The following UBE3D variants were observed in gnomAD, a reference collection of about 807,000 sequenced individuals.
The protein encoded by UBE3D is E3 ubiquitin-protein ligase E3D.
Under a neutral mutation model 49.6 loss-of-function variants are expected in UBE3D, and 48 were observed. The ratio of observed to expected loss-of-function variants is 0.97; its 90% CI spans 0.77 to 1.23. The LOEUF is 1.23. Among genes scored for constraint, UBE3D ranks in the 50% most tolerant of loss-of-function variants. UBE3D has a pLI of 0.00. For synonymous variants in UBE3D, 189 were observed against 174.2 expected (o/e 1.08, Z -0.67); for missense variants, 452 against 468.4 (o/e 0.96, Z 0.32).
At chr6:83,012,138 G>A (rs1161220453) in intron 8 of UBE3D, among the ~76,000 whole-genome samples, 1 of 152,178 alleles carries the variant, frequency 6.6e-6, no homozygotes, top group Non-Finnish European at 1.5e-5. Context: ...GCCTTGGTCA[G>A]AGGCAATGCT....
chr6:83,029,182 T>C (rs1272913926), intron 5 of UBE3D, among the ~76,000 whole-genome samples: 1 of 152,188 alleles, frequency 6.6e-6, no homozygotes, highest in African/African-American at 2.4e-5. Flanking sequence ...AGCCAGTTTT[T>C]TGTATAAATT....
chr6:83,023,380 A>C (rs2127776189), intron 6 of UBE3D, among the ~76,000 whole-genome samples: 1 of 152,338 alleles, frequency 6.6e-6, no homozygotes, highest in East Asian at 1.9e-4. Context: ...AACATTTTTT[A>C]AAATCCTCAA....
intron 9 of UBE3D, among the ~76,000 whole-genome samples, chr6:82,897,978 T>C (rs1453912193): frequency 6.6e-6 from 1 of 152,092 alleles, no homozygotes; most frequent in Non-Finnish European, 1.5e-5. Flanking sequence ...CTTAAACAAA[T>C]TCACAAGAAA....
intron 3 of UBE3D, among the ~76,000 whole-genome samples, chr6:83,046,681 T>TGGGGGGG (rs1554211672): frequency 4.0e-5 from 2 of 50,064 alleles, no homozygotes; most frequent in Non-Finnish European, 3.9e-5. Flanking sequence ...GCGGGGGGGG[T>TGGGGGGG]GGGCGGTGGC....
intron 3 of UBE3D, among the ~76,000 whole-genome samples, chr6:83,047,037 C>T (rs1047378270): frequency 6.6e-6 from 1 of 152,176 alleles, no homozygotes; most frequent in African/African-American, 2.4e-5. Context: ...TTGCTCCTAA[C>T]GTATATCATG....
At chr6:82,920,231 G>A (rs1353901197) in intron 9 of UBE3D, among the ~76,000 whole-genome samples, 2 of 152,160 alleles carry the variant, frequency 1.3e-5, no homozygotes, top group African/African-American at 4.8e-5. Context: ...CTTGGCCAAA[G>A]TTTCTCTTCT....
chr6:83,065,765 G>A lies in UBE3D; in HGVS notation c.-47C>T. ...CGGACCAAGCTGGAGGTTCCGAGGG[G>A]CCCGGGTCAACAGGACCAGGAGAGG... is the stretch of plus-strand genomic sequence containing the variant. On this transcript the variant is annotated 5_prime_UTR_variant, in exon 1 of 10. Coordinates refer to ENST00000369747, the MANE Select transcript of UBE3D (RefSeq NM_198920.3). 3 of 1,562,376 alleles carry A rather than the reference G, an allele frequency of 1.9e-6. No homozygotes were observed. Among genetic ancestry groups the A allele is most frequent in the South Asian group, 2.3e-5 (2 of 86,394 alleles).
chr6:83,055,320 G>A (rs1783747324), intron 2 of UBE3D, among the ~76,000 whole-genome samples: 1 of 152,100 alleles, frequency 6.6e-6, no homozygotes, highest in Non-Finnish European at 1.5e-5. Flanking sequence ...AAGCAATGTG[G>A]ATTTGGTTTG....
rs1774823650 is a variant in UBE3D, at chr6:82,939,236, C to A, written c.1149+18076G>T. ...GCCCAGAGCCTGCCAGGCCTTGCCC[C>A]TAGGCCTTCTCTCCCCACCATGAAG... On this transcript the variant is annotated intron_variant, in intron 9 of 9. Transcript: ENST00000369747. Among the ~76,000 whole-genome samples the A allele has an allele frequency of 2.0e-5, 3 of 152,298 alleles. No individual in the cohort carries two copies. In the South Asian group the frequency reaches 6.2e-4, roughly 32 times the overall value.
chr6:83,047,939 G>A (rs539675547), intron 3 of UBE3D, among the ~76,000 whole-genome samples: 7 of 151,928 alleles, frequency 4.6e-5, no homozygotes, highest in Non-Finnish European at 8.8e-5. Context: ...AAAATTAGCC[G>A]GGAGTGCTGG....
chr6:82,884,845 G>A, the UBE3D span, among the ~76,000 whole-genome samples: 1 of 152,080 alleles, frequency 6.6e-6, no homozygotes, highest in African/African-American at 2.4e-5. Flanking sequence ...GAGAACCAGT[G>A]ACACTGAACA....
At chr6:82,956,829 A>T (rs1173051358) in intron 9 of UBE3D, among the ~76,000 whole-genome samples, 1 of 152,186 alleles carries the variant, frequency 6.6e-6, no homozygotes, top group Non-Finnish European at 1.5e-5. Context: ...TCATTTATTT[A>T]AAAAGAGATA....
chr6:83,037,744 C>T (rs892305265), intron 5 of UBE3D: 2 of 152,136 alleles, frequency 1.3e-5, no homozygotes, highest in Non-Finnish European at 2.9e-5. Flanking sequence ...TAAACCATAT[C>T]TTTAAACAGC....
intron 1 of UBE3D, among the ~76,000 whole-genome samples, chr6:83,064,060 T>G (rs747341725): frequency 4.6e-5 from 7 of 152,154 alleles, no homozygotes; most frequent in African/African-American, 1.7e-4. Context: ...GAAAAAGGAA[T>G]GGACTACTGA....
intron 8 of UBE3D, among the ~76,000 whole-genome samples, chr6:82,982,674 C>G (rs1277157620): frequency 6.6e-6 from 1 of 152,178 alleles, no homozygotes; most frequent in Non-Finnish European, 1.5e-5. Flanking sequence ...TTATACACTT[C>G]TGTCAGGAGG....
At chr6:83,011,690 T>A (rs1377728040) in intron 8 of UBE3D, among the ~76,000 whole-genome samples, 2 of 152,188 alleles carry the variant, frequency 1.3e-5, no homozygotes, top group African/African-American at 4.8e-5. Flanking sequence ...AGTGTCCAAG[T>A]GGCAATCTTA....
At chr6:82,979,666 T>G (rs570848079) in intron 8 of UBE3D, among the ~76,000 whole-genome samples, 3 of 152,186 alleles carry the variant, frequency 2.0e-5, no homozygotes, top group Non-Finnish European at 2.9e-5. Flanking sequence ...GCATATTACA[T>G]AGTGGTGAAG....
At chr6:82,898,010 T>C (rs1349840462) in intron 9 of UBE3D, among the ~76,000 whole-genome samples, 1 of 152,130 alleles carries the variant, frequency 6.6e-6, no homozygotes, top group Non-Finnish European at 1.5e-5. Context: ...CATCAAAAAG[T>C]GGGCGAAGGA....
At chr6:83,065,070 A>G (rs1784409375) in intron 1 of UBE3D, among the ~76,000 whole-genome samples, 1 of 152,220 alleles carries the variant, frequency 6.6e-6, no homozygotes, top group South Asian at 2.1e-4. Flanking sequence ...CACTGGAAGG[A>G]AGAATATGAA....
Sources: allele counts gnomAD v4.1 joint callset (sites outside exome capture counted in the v4.1 genomes callset), GRCh38; gene constraint gnomAD v4.1.1; transcripts MANE v1.5; gene names NCBI Gene and HGNC (gene_info 2026-07-23, HGNC 2026-07-21).